The following PGAP4 variants were observed in gnomAD, a reference collection of about 807,000 sequenced individuals.
PGAP4 encodes the protein post-GPI attachment to proteins GalNAc transferase 4, also known as GPI-N-acetylgalactosamine transferase PGAP4.
Under a neutral mutation model 28.2 loss-of-function variants are expected in PGAP4, and 12 were observed. That is an observed-to-expected ratio of 0.42 (90% CI 0.27 to 0.69). The LOEUF is 0.69. Among genes scored for constraint, PGAP4 ranks in the 30% least tolerant of loss-of-function variants. The pLI is 0.22. For synonymous variants in PGAP4, 205 were observed against 211.8 expected (o/e 0.97, Z 0.28); for missense variants, 425 against 513.5 (o/e 0.83, Z 1.67).
chr9:101,495,877 G>T (rs910075226), intron 2 of PGAP4, among the ~76,000 whole-genome samples: 2 of 150,996 alleles, frequency 1.3e-5, no homozygotes, highest in Non-Finnish European at 3.0e-5. Flanking sequence ...TCCTCCCATA[G>T]TGTGATTACG....
At chr9:101,499,428 G>T (rs925492223) in intron 2 of PGAP4, among the ~76,000 whole-genome samples, 8 of 151,844 alleles carry the variant, frequency 5.3e-5, no homozygotes, top group African/African-American at 1.9e-4. Flanking sequence ...ATGTGTATTT[G>T]GGAATAGAAC....
chr9:101,492,381 A>G (rs187248403), intron 2 of PGAP4, among the ~76,000 whole-genome samples: 1 of 152,078 alleles, frequency 6.6e-6, no homozygotes. Flanking sequence ...TTTAGTAGAG[A>G]CCAGGTTTCA....
intron 2 of PGAP4, among the ~76,000 whole-genome samples, chr9:101,520,117 G>A (rs935594336): frequency 6.6e-6 from 1 of 151,954 alleles, no homozygotes; most frequent in African/African-American, 2.4e-5. Flanking sequence ...TGGTGACTAT[G>A]GCCTTATAGT....
At chr9:101,522,084 T>A (rs1281300219) in intron 2 of PGAP4, among the ~76,000 whole-genome samples, 1 of 152,184 alleles carries the variant, frequency 6.6e-6, no homozygotes, top group East Asian at 1.9e-4. Flanking sequence ...GAGTGCTTGA[T>A]ATAATTTCAA....
chr9:101,525,313 G>C (rs1465186551), intron 2 of PGAP4, among the ~76,000 whole-genome samples: 2 of 152,110 alleles, frequency 1.3e-5, no homozygotes, highest in East Asian at 3.9e-4. Context: ...TTAGAGAATA[G>C]AGTGAATAGG....
intron 2 of PGAP4, among the ~76,000 whole-genome samples, chr9:101,512,522 C>T (rs1038757388): frequency 2.0e-5 from 3 of 152,134 alleles, no homozygotes; most frequent in Non-Finnish European, 2.9e-5. Flanking sequence ...ACATGGGAGG[C>T]TGACTGATTC....
At chr9:101,502,538 A>G (rs1826812562) in intron 2 of PGAP4, among the ~76,000 whole-genome samples, 1 of 152,064 alleles carries the variant, frequency 6.6e-6, no homozygotes, top group African/African-American at 2.4e-5. Flanking sequence ...ATACTATAAA[A>G]CAAAATGTCA....
chr9:101,505,833 C>A (rs1032854679), intron 2 of PGAP4, among the ~76,000 whole-genome samples: 1 of 152,078 alleles, frequency 6.6e-6, no homozygotes, highest in Non-Finnish European at 1.5e-5. Flanking sequence ...TTATCTGGTT[C>A]GTAAAAACAC....
At chr9:101,527,124 GT>G (rs1827041659) in intron 2 of PGAP4, among the ~76,000 whole-genome samples, 1 of 152,230 alleles carries the variant, frequency 6.6e-6, no homozygotes, top group South Asian at 2.1e-4. Flanking sequence ...AGTCGGCTGA[GT>G]GCTACAAGTA....
At chr9:101,523,619 CTTTTTTTTTTTTTTTTT>C (rs71356369) in intron 2 of PGAP4, among the ~76,000 whole-genome samples, 20 of 59,342 alleles carry the variant, frequency 3.4e-4, no homozygotes, top group African/African-American at 1.1e-3. Context: ...CTTCTTGTAT[CTTTTTTTTTTTTTTTTT>C]TTTTTTTTTT....
At chr9:101,506,258 T>C (rs536176353) in intron 2 of PGAP4, among the ~76,000 whole-genome samples, 14 of 152,208 alleles carry the variant, frequency 9.2e-5, no homozygotes, top group African/African-American at 1.9e-4. Flanking sequence ...TAAAAATCCA[T>C]TGGACATCTC....
chr9:101,518,460 C>T (rs1439236362), intron 2 of PGAP4, among the ~76,000 whole-genome samples: 2 of 152,144 alleles, frequency 1.3e-5, no homozygotes, highest in Non-Finnish European at 2.9e-5. Context: ...TCCCCAATAT[C>T]CATTGTATGA....
Position 101,473,476 on chromosome 9 carries a change from A to T in PGAP4, c.*2405T>A, listed in dbSNP as rs995221132. Reference sequence around the variant, plus strand: ...AGAATAAGGGATTAAATGGAGGAAGATCTAGAAGTGGGTGGGAACAAAAGA... The same window carrying T: ...AGAATAAGGGATTAAATGGAGGAAGTTCTAGAAGTGGGTGGGAACAAAAGA... On this transcript the variant is annotated 3_prime_UTR_variant, in exon 2 of 2. Transcript: ENST00000374848. 9 of 152,244 alleles carry T rather than the reference A, an allele frequency of 5.9e-5. No individual in the cohort carries two copies. Among genetic ancestry groups the T allele is most frequent in the Non-Finnish European group, 1.2e-4 (8 of 68,062 alleles). 9.4% of individuals were successfully genotyped at this position (152,244 alleles called of 1,614,324 possible). A position where few individuals can be genotyped will look rare whatever the true frequency, so the allele number is the denominator to read the frequency against.
Position 101,477,231 on chromosome 9 carries a change from C to CA in PGAP4, c.-77-63dup, listed in dbSNP as rs1457180075. ...TTAAAAAAACAAACAAACAAACAAA[C>CA]AAAAAAACAAAAGGACAAGAACTGA... On this transcript the variant is annotated intron_variant, in intron 1 of 1. Coordinates refer to ENST00000374848, the MANE Select transcript of PGAP4 (RefSeq NM_032342.3). 12 of 1,304,602 alleles carry CA rather than the reference C, an allele frequency of 9.2e-6. No homozygotes were observed. In the East Asian group the frequency reaches 2.6e-4, roughly 28 times the overall value. The allele number at this position is 1,304,602 out of a possible 1,614,324, so 80.8% of individuals were successfully genotyped here. A position where few individuals can be genotyped will look rare whatever the true frequency, so the allele number is the denominator to read the frequency against.
intron 2 of PGAP4, among the ~76,000 whole-genome samples, chr9:101,523,329 A>C (rs1827004684): frequency 6.6e-6 from 1 of 152,132 alleles, no homozygotes; most frequent in Non-Finnish European, 1.5e-5. Flanking sequence ...CTTCTTCCTC[A>C]GAACACTGAT....
At position 101,523,619 on chromosome 9, in the gene PGAP4, C is replaced by CTTTTTTTTTTTTT. The variant is rs71356369; in HGVS notation, c.-165+7716_-165+7728dup. ...ACATTTCTCCCCTCACTTCTTGTAT[C>CTTTTTTTTTTTTT]TTTTTTTTTTTTTTTTTTTTTTTTT... On this transcript the variant is annotated intron_variant, in intron 2 of 3. Coordinates refer to the PGAP4 transcript ENST00000374851. 5.9e-3 allele frequency among the ~76,000 whole-genome samples: 348 copies of CTTTTTTTTTTTTT among 59,282 alleles called. 38 individuals carry two copies. Among genetic ancestry groups the CTTTTTTTTTTTTT allele is most frequent in the Non-Finnish European group, 7.1e-3 (231 of 32,436 alleles). 38.9% of individuals were successfully genotyped at this position (59,282 alleles called of 152,430 possible).
At chr9:101,488,286 C>G (rs2118566519), upstream of PGAP4, among the ~76,000 whole-genome samples, 1 of 152,270 alleles carries the variant, frequency 6.6e-6, no homozygotes, top group East Asian at 1.9e-4. Flanking sequence ...AGTATGAGAG[C>G]TGGATATAGC....
intron 2 of PGAP4, among the ~76,000 whole-genome samples, chr9:101,516,610 C>T (rs548461248): frequency 4.0e-4 from 61 of 152,198 alleles, no homozygotes; most frequent in Middle Eastern, 3.4e-3. Flanking sequence ...GTTGATATGA[C>T]TTTATCTTAT....
At chr9:101,496,572 A>G (rs955698660) in intron 2 of PGAP4, among the ~76,000 whole-genome samples, 17 of 151,470 alleles carry the variant, frequency 1.1e-4, no homozygotes, top group African/African-American at 3.9e-4. Context: ...TAATTTCTAA[A>G]AAGTTATAAT....
Sources: gnomAD v4.1 joint callset for allele counts (sites outside exome capture counted in the v4.1 genomes callset) on GRCh38, gnomAD v4.1.1 for gene constraint, MANE v1.5 for transcripts, NCBI Gene and HGNC (gene_info 2026-07-23, HGNC 2026-07-21) for gene names.